Variants in METTL15 observed in about 807,000 individuals in gnomAD.
The protein encoded by METTL15 is methyltransferase 15, mitochondrial 12S rRNA N4-cytidine, also known as 12S rRNA N(4)-cytidine methyltransferase METTL15.
METTL15 carries 34 observed loss-of-function variants against 38.3 expected under a neutral mutation model. The observed-to-expected ratio is 0.89, with a 90% CI of 0.68 to 1.18. The LOEUF (loss-of-function observed/expected upper bound fraction) is 1.18, where lower values mean the gene tolerates loss of function less well. METTL15 is among the 50% of genes most tolerant of loss of function. The pLI, the probability that METTL15 is intolerant of heterozygous loss-of-function variation, is 0.00. For missense variants in METTL15, 438 were observed against 498.4 expected (o/e 0.88, Z 1.15); for synonymous variants, 162 against 170.9 (o/e 0.95, Z 0.41).
chr11:28,467,877 G>A (rs1851270006), intron 6 of METTL15, among the ~76,000 whole-genome samples: 1 of 152,126 alleles, frequency 6.6e-6, no homozygotes, highest in Admixed American at 6.6e-5. Flanking sequence ...TGGCCAAGGA[G>A]GAGAAGGAAA....
At chr11:28,529,295 G>T (rs2133520227), downstream of METTL15, among the ~76,000 whole-genome samples, 1 of 152,180 alleles carries the variant, frequency 6.6e-6, no homozygotes, top group Non-Finnish European at 1.5e-5. Context: ...TGCTTAAGAA[G>T]TGTCAAGTTC....
At chr11:28,384,819 T>C (rs1488313100) in intron 5 of METTL15, among the ~76,000 whole-genome samples, 1 of 152,194 alleles carries the variant, frequency 6.6e-6, no homozygotes, top group African/African-American at 2.4e-5. Context: ...TTTTTTATTT[T>C]TTAATACTTG....
At chr11:28,274,204 C>G (rs767230534) in intron 4 of METTL15, among the ~76,000 whole-genome samples, 1 of 151,810 alleles carries the variant, frequency 6.6e-6, no homozygotes, top group Non-Finnish European at 1.5e-5. Context: ...TCTTACTGAA[C>G]TTAAAAAAAG....
chr11:28,207,216 G>C lies in METTL15; in HGVS notation c.271-3846G>C, dbSNP rs564869959. ...TTCAAAGGGAATGCTTCCAGTTTTTGCACATTCAGTATGATATTGGCTGTG... is the reference window on the plus strand; with the variant it reads ...TTCAAAGGGAATGCTTCCAGTTTTTCCACATTCAGTATGATATTGGCTGTG... On this transcript the variant is annotated intron_variant, in intron 3 of 6. Transcript: ENST00000407364. 9.9e-5 allele frequency among the ~76,000 whole-genome samples: 15 copies of C among 151,894 alleles called. No individual in the cohort carries two copies. In the East Asian group the frequency reaches 1.6e-3, roughly 16 times the overall value.
In METTL15 at chr11:28,474,114, A is replaced by G. The variant is rs143855517; in HGVS notation, c.*424+49750A>G. The stretch of plus-strand genomic sequence containing the variant: ...GATGCACACAAATACACATGTATAT[A>G]CATACTTATAGATGTATAAGTATAT... On this transcript the variant is annotated intron_variant and NMD_transcript_variant, in intron 6 of 7. Coordinates refer to the METTL15 transcript ENST00000532947. Among the ~76,000 whole-genome samples the G allele has an allele frequency of 3.6e-3, 542 of 152,162 alleles. 1 individual carries two copies. Among genetic ancestry groups the G allele is most frequent in the Non-Finnish European group, 5.6e-3 (378 of 68,006 alleles).
intron 3 of METTL15, among the ~76,000 whole-genome samples, chr11:28,180,754 T>G (rs1851252744): frequency 6.6e-6 from 1 of 151,834 alleles, no homozygotes; most frequent in African/African-American, 2.4e-5. Flanking sequence ...ATAGTATATT[T>G]GAAATACCAA....
In METTL15 at chr11:28,398,285, A is replaced by G. The variant is rs1850594552; in HGVS notation, c.*359-26014A>G. Among the ~76,000 whole-genome samples the G allele has an allele frequency of 2.0e-5, 3 of 151,770 alleles. No homozygotes were observed. In the South Asian group the frequency reaches 6.2e-4, roughly 31 times the overall value. On this transcript the variant is annotated intron_variant and NMD_transcript_variant, in intron 5 of 7. Coordinates refer to the METTL15 transcript ENST00000532947. The stretch of plus-strand genomic sequence containing the variant: ...AATTTGGTTTTTAAAATAATAAACA[A>G]AAATTGATAAACCATAAAAAGTTCC...
intron 4 of METTL15, among the ~76,000 whole-genome samples, chr11:28,252,222 A>G (rs968235138): frequency 6.6e-6 from 1 of 152,178 alleles, no homozygotes; most frequent in African/African-American, 2.4e-5. Context: ...TGAAGTTATC[A>G]ACAAGTGCTA....
intron 4 of METTL15, among the ~76,000 whole-genome samples, chr11:28,228,142 C>T (rs1332362811): frequency 6.6e-6 from 1 of 151,856 alleles, no homozygotes; most frequent in Admixed American, 6.6e-5. Flanking sequence ...TTTATTCTCA[C>T]AGAAGACTTT....
At chr11:28,406,887 A>G (rs1000987768) in intron 5 of METTL15, among the ~76,000 whole-genome samples, 4 of 152,190 alleles carry the variant, frequency 2.6e-5, no homozygotes, top group Non-Finnish European at 1.5e-5. Flanking sequence ...GAGAGTTTTT[A>G]GCATGAAGGA....
At chr11:28,284,460 T>A (rs962889284) in intron 4 of METTL15, among the ~76,000 whole-genome samples, 1 of 152,190 alleles carries the variant, frequency 6.6e-6, no homozygotes, top group Non-Finnish European at 1.5e-5. Context: ...CGATTTGTTA[T>A]AGGCTTTTGC....
intron 6 of METTL15, among the ~76,000 whole-genome samples, chr11:28,522,262 G>A (rs564059405): frequency 6.2e-4 from 94 of 152,288 alleles, no homozygotes; most frequent in Non-Finnish European, 1.3e-3. Context: ...AAACTGAACC[G>A]GTGGGATGTA....
At position 28,331,571 on chromosome 11, in the gene METTL15, T is replaced by C. The variant is rs1181996571; in HGVS notation, c.*730T>C. 6.6e-6 allele frequency: 1 copy of C among 151,784 alleles called. No homozygotes were observed. The highest frequency in any genetic ancestry group is 1.5e-5 in the Non-Finnish European group (1 of 67,884). 9.4% of individuals were successfully genotyped at this position (151,784 alleles called of 1,614,324 possible). A position where few individuals can be genotyped will look rare whatever the true frequency, so the allele number is the denominator to read the frequency against. The stretch of plus-strand genomic sequence containing the variant: ...TGCCTTTAGTAAGTAATAAAGTCTC[T>C]TATTAGAATCTTGTATTTTTTAATT... On this transcript the variant is annotated 3_prime_UTR_variant, in exon 7 of 7. Transcript: ENST00000407364.
At chr11:28,184,790 A>G (rs911012329) in intron 3 of METTL15, among the ~76,000 whole-genome samples, 6 of 151,544 alleles carry the variant, frequency 4.0e-5, no homozygotes, top group Non-Finnish European at 5.9e-5. Context: ...TTAAATAATA[A>G]GGACTAGTTA....
intron 6 of METTL15, among the ~76,000 whole-genome samples, chr11:28,324,749 G>T (rs1327679016): frequency 6.6e-6 from 1 of 152,132 alleles, no homozygotes; most frequent in Non-Finnish European, 1.5e-5. Flanking sequence ...ACCGAATATT[G>T]TGCTCTTTAT....
At chr11:28,254,546 G>GA (rs895453005) in intron 4 of METTL15, among the ~76,000 whole-genome samples, 1 of 152,100 alleles carries the variant, frequency 6.6e-6, no homozygotes, top group African/African-American at 2.4e-5. Flanking sequence ...TATTACTTAA[G>GA]AAATCTTTGT....
chr11:28,199,761 A>G (rs1448779972), intron 3 of METTL15, among the ~76,000 whole-genome samples: 2 of 145,288 alleles, frequency 1.4e-5, no homozygotes, highest in Non-Finnish European at 3.0e-5. Context: ...TTTTTTTTTG[A>G]GATGGAGTCT....
chr11:28,286,773 C>G (rs1856279955), intron 4 of METTL15, among the ~76,000 whole-genome samples: 1 of 151,804 alleles, frequency 6.6e-6, no homozygotes, highest in Non-Finnish European at 1.5e-5. Context: ...GTGGAGTTCA[C>G]TAGAAAACAG....
intron 5 of METTL15, among the ~76,000 whole-genome samples, chr11:28,377,835 G>A (rs952394254): frequency 6.6e-6 from 1 of 151,260 alleles, no homozygotes; most frequent in African/African-American, 2.4e-5. Context: ...TGGGTTTTTG[G>A]TGTGGATGTC....
Sources: allele counts gnomAD v4.1 joint callset (sites outside exome capture counted in the v4.1 genomes callset), GRCh38; gene constraint gnomAD v4.1.1; transcripts MANE v1.5; gene names NCBI Gene and HGNC (gene_info 2026-07-23, HGNC 2026-07-21).